The following COL22A1 variants were observed in gnomAD, a reference collection of about 807,000 sequenced individuals.
COL22A1 encodes collagen type XXII alpha 1 chain, also known as collagen alpha-1(XXII) chain.
COL22A1 carries 221 observed loss-of-function variants against 248.9 expected under a neutral mutation model. That is an observed-to-expected ratio of 0.89 (90% CI 0.80 to 0.99). The LOEUF (loss-of-function observed/expected upper bound fraction) is 0.99. Ranked by LOEUF, COL22A1 falls within the 50% of genes least tolerant of loss-of-function variation. COL22A1 has a pLI of 0.00. For missense variants in COL22A1, 2,240 were observed against 2,179.0 expected (o/e 1.03, Z -0.56); for synonymous variants, 891 against 793.4 (o/e 1.12, Z -2.07).
At chr8:138,640,618 T>C (rs555349796) in intron 47 of COL22A1, among the ~76,000 whole-genome samples, 2 of 152,288 alleles carry the variant, frequency 1.3e-5, no homozygotes, top group Admixed American at 1.3e-4. Context: ...TAGTTTTCTT[T>C]CAGTCGTTTA....
At chr8:138,761,293 G>A (rs780927822) in intron 17 of COL22A1, among the ~76,000 whole-genome samples, 15 of 152,140 alleles carry the variant, frequency 9.9e-5, no homozygotes, top group Non-Finnish European at 1.9e-4. Context: ...GGCACTGCAC[G>A]ATGGATATTT....
At chr8:138,796,231 A>C (rs888577823) in intron 12 of COL22A1, among the ~76,000 whole-genome samples, 1 of 152,050 alleles carries the variant, frequency 6.6e-6, no homozygotes, top group Non-Finnish European at 1.5e-5. Flanking sequence ...AAGCCTGTGC[A>C]TATTTTACTG....
intron 63 of COL22A1, among the ~76,000 whole-genome samples, chr8:138,593,467 T>C (rs1208817907): frequency 6.6e-6 from 1 of 152,198 alleles, no homozygotes; most frequent in Non-Finnish European, 1.5e-5. Context: ...CACATCTGTC[T>C]TCCTGCAGAG....
Position 138,681,780 on chromosome 8 carries a change from T to C in COL22A1, c.3013-2104A>G, listed in dbSNP as rs189616009. ...ACTGTTCCAGGCATATGGAACTATT[T>C]TATATGATCCCGCAGTCAGGGAAAT... is the stretch of plus-strand genomic sequence containing the variant. On this transcript the variant is annotated intron_variant, in intron 39 of 64. Coordinates refer to ENST00000303045, the MANE Select transcript of COL22A1 (RefSeq NM_152888.3). Among the ~76,000 whole-genome samples, 649 of 152,302 alleles carry C rather than the reference T, an allele frequency of 4.3e-3. 11 individuals are homozygous for C. Among genetic ancestry groups the C allele is most frequent in the Non-Finnish European group, 3.6e-3 (246 of 68,020 alleles).
At chr8:138,881,365 T>A (rs1824189917) in intron 2 of COL22A1, among the ~76,000 whole-genome samples, 1 of 152,136 alleles carries the variant, frequency 6.6e-6, no homozygotes, top group African/African-American at 2.4e-5. Flanking sequence ...ACTTTTCTTT[T>A]TTAAGTCCAG....
chr8:138,772,592 C>G (rs1834469886), intron 16 of COL22A1, among the ~76,000 whole-genome samples: 4 of 152,186 alleles, frequency 2.6e-5, no homozygotes. Context: ...ACGGATGCGT[C>G]CATTCACCTT....
At chr8:138,641,179 G>A (rs1010007006) in intron 47 of COL22A1, among the ~76,000 whole-genome samples, 1 of 152,182 alleles carries the variant, frequency 6.6e-6, no homozygotes, top group South Asian at 2.1e-4. Context: ...AAAGAACATG[G>A]AGTAAGTGGC....
intron 5 of COL22A1, among the ~76,000 whole-genome samples, chr8:138,828,675 G>A (rs889469981): frequency 3.3e-5 from 5 of 151,976 alleles, no homozygotes; most frequent in Non-Finnish European, 7.4e-5. Flanking sequence ...GCGTGAACCC[G>A]GGAGGCAGAG....
At chr8:138,810,571 T>G (rs946372773) in intron 9 of COL22A1, among the ~76,000 whole-genome samples, 1 of 152,158 alleles carries the variant, frequency 6.6e-6, no homozygotes, top group African/African-American at 2.4e-5. Flanking sequence ...GGTCACCCAC[T>G]AACCAGAAAT....
intron 27 of COL22A1, among the ~76,000 whole-genome samples, chr8:138,720,301 C>T (rs531129404): frequency 6.6e-6 from 1 of 152,284 alleles, no homozygotes; most frequent in African/African-American, 2.4e-5. Context: ...GGAAGCATCG[C>T]AGTGAAGGTA....
intron 7 of COL22A1, among the ~76,000 whole-genome samples, chr8:138,816,168 GAGA>G (rs1394224264): frequency 1.3e-5 from 2 of 152,296 alleles, no homozygotes; most frequent in East Asian, 1.9e-4. Context: ...GACAGGGAAG[GAGA>G]AGAAGGAGAC....
intron 12 of COL22A1, among the ~76,000 whole-genome samples, chr8:138,795,858 C>T (rs989729752): frequency 6.6e-6 from 1 of 152,142 alleles, no homozygotes; most frequent in Non-Finnish European, 1.5e-5. Context: ...CACAGGAGAG[C>T]TGTTTCTACT....
rs377032033 is a variant in COL22A1, at chr8:138,630,674, C to T, written c.3663+21G>A. 4.3e-6 allele frequency: 7 copies of T among 1,610,078 alleles called. No individual in the cohort carries two copies. In the African/African-American group the frequency reaches 6.7e-5, roughly 15 times the overall value. ...GGCTAAAGACAGATTAAAAACAGATCCCATTCCTTGAGGAACTTACAGGTG... is the reference window on the plus strand; with the variant it reads ...GGCTAAAGACAGATTAAAAACAGATTCCATTCCTTGAGGAACTTACAGGTG... On this transcript the variant is annotated intron_variant, in intron 50 of 64. Coordinates refer to ENST00000303045, the MANE Select transcript of COL22A1 (RefSeq NM_152888.3).
At chr8:138,697,657 AC>A (rs537739813) in intron 32 of COL22A1, among the ~76,000 whole-genome samples, 33 of 151,448 alleles carry the variant, frequency 2.2e-4, no homozygotes, top group Admixed American at 5.3e-4. Context: ...TTCTCCCTCC[AC>A]CCCCTCATCT....
At chr8:138,847,811 A>C (rs561864560) in intron 3 of COL22A1, among the ~76,000 whole-genome samples, 38 of 152,132 alleles carry the variant, frequency 2.5e-4, no homozygotes, top group African/African-American at 8.9e-4. Flanking sequence ...AAAAAAAAAA[A>C]AAAACTTCTA....
At chr8:138,755,278 C>T in intron 20 of COL22A1, 68 bp from the exon 21 acceptor site, 2 of 1,485,462 alleles carry the variant, frequency 1.3e-6, no homozygotes, top group Non-Finnish European at 1.9e-6. Context: ...CCACCATCAC[C>T]CATGGCCCTC....
intron 16 of COL22A1, among the ~76,000 whole-genome samples, chr8:138,775,681 C>A (rs1179827492): frequency 6.6e-6 from 1 of 152,108 alleles, no homozygotes; most frequent in Non-Finnish European, 1.5e-5. Context: ...GTCTGGAAAC[C>A]CTAAACTCCG....
intron 2 of COL22A1, among the ~76,000 whole-genome samples, chr8:138,880,358 G>A (rs16909740): frequency 0.65 from 98,898 of 152,066 alleles, 33,545 homozygotes; most frequent in East Asian, 0.88. Context: ...GTGCACGCGC[G>A]ATTGTGTATG....
chr8:138,871,850 C>T (rs557290773), intron 3 of COL22A1, among the ~76,000 whole-genome samples: 1 of 152,260 alleles, frequency 6.6e-6, no homozygotes, highest in East Asian at 1.9e-4. Context: ...ATGTGCAAAA[C>T]AGACTTTCAA....
Sources: gnomAD v4.1 joint callset for allele counts (sites outside exome capture counted in the v4.1 genomes callset) on GRCh38, gnomAD v4.1.1 for gene constraint, MANE v1.5 for transcripts, NCBI Gene and HGNC (gene_info 2026-07-23, HGNC 2026-07-21) for gene names.